The following INSL6 variants were observed in gnomAD, a reference collection of about 807,000 sequenced individuals.
INSL6 encodes the protein insulin like 6.
Under a neutral mutation model 9.4 loss-of-function variants are expected in INSL6, and 16 were observed. That is an observed-to-expected ratio of 1.70 (90% confidence interval 1.15 to 2.59). INSL6 has a LOEUF of 2.59. INSL6 is among the 30% of genes most tolerant of loss of function. The probability of loss-of-function intolerance (pLI) is 0.00; values close to 1 mark genes in which losing one functional copy is unlikely to be tolerated. For synonymous variants in INSL6, 154 were observed against 96.9 expected (o/e 1.59, Z -3.46); for missense variants, 391 against 257.3 (o/e 1.52, Z -3.56).
intron 2 of INSL6, among the ~76,000 whole-genome samples, chr9:5,153,517 T>C (rs1352148071): frequency 6.6e-6 from 1 of 152,080 alleles, no homozygotes; most frequent in Non-Finnish European, 1.5e-5. Context: ...GGTATTCAAT[T>C]AGGAAAAGAG....
chr9:5,183,741 T>A (rs1825507786), intron 1 of INSL6, among the ~76,000 whole-genome samples: 1 of 151,200 alleles, frequency 6.6e-6, no homozygotes, highest in Non-Finnish European at 1.5e-5. Flanking sequence ...CTTGCACTCC[T>A]GGGAGAAAAG....
the INSL6 span, chr9:5,050,656 G>A: frequency 6.3e-7 from 1 of 1,591,894 alleles, no homozygotes; most frequent in Non-Finnish European, 8.6e-7. Context: ...AACTTACGAT[G>A]AGATATTTCC....
the INSL6 span, among the ~76,000 whole-genome samples, chr9:5,086,608 T>G: frequency 0.019 from 2,822 of 152,284 alleles, 43 homozygotes; most frequent in East Asian, 0.073. Flanking sequence ...AAAAAATTCC[T>G]TGGCTTCTCT....
chr9:5,136,673 G>A (rs1299886100), intron 2 of INSL6, among the ~76,000 whole-genome samples: 11 of 152,092 alleles, frequency 7.2e-5, no homozygotes, highest in African/African-American at 2.2e-4. Context: ...AATACTGAAC[G>A]GGCAAAAACT....
At chr9:5,108,092 C>T in the INSL6 span, 1 of 152,088 alleles carries the variant, frequency 6.6e-6, no homozygotes. Context: ...CTAGTTTTCT[C>T]TTCTGATCTG....
At chr9:5,082,961 G>C in the INSL6 span, among the ~76,000 whole-genome samples, 231 of 152,276 alleles carry the variant, frequency 1.5e-3, no homozygotes, top group African/African-American at 5.4e-3. Context: ...TTTCTACATA[G>C]ACACAGTAAC....
At chr9:5,020,280 C>T in the INSL6 span, among the ~76,000 whole-genome samples, 1 of 152,148 alleles carries the variant, frequency 6.6e-6, no homozygotes, top group Non-Finnish European at 1.5e-5. Context: ...CCTCAGACCC[C>T]CAGGTGGAAT....
At chr9:5,095,360 T>A in the INSL6 span, among the ~76,000 whole-genome samples, 2 of 152,012 alleles carry the variant, frequency 1.3e-5, no homozygotes, top group African/African-American at 4.8e-5. Context: ...CCCATCTTGA[T>A]TAAAAAAACA....
the INSL6 span, among the ~76,000 whole-genome samples, chr9:5,025,847 C>G: frequency 6.6e-6 from 1 of 152,160 alleles, no homozygotes; most frequent in Non-Finnish European, 1.5e-5. Flanking sequence ...GGTTATAGTT[C>G]TGTTGAAGTT....
chr9:5,077,762 T>C, the INSL6 span, among the ~76,000 whole-genome samples: 2 of 152,196 alleles, frequency 1.3e-5, no homozygotes, highest in African/African-American at 2.4e-5. Context: ...AAAATCACTT[T>C]TGAAAAAAAA....
At chr9:5,150,022 G>C (rs1458980942) in intron 2 of INSL6, among the ~76,000 whole-genome samples, 2 of 152,200 alleles carry the variant, frequency 1.3e-5, no homozygotes, top group African/African-American at 4.8e-5. Context: ...TAAAAATGGT[G>C]CTAGGAAAAT....
the INSL6 span, among the ~76,000 whole-genome samples, chr9:5,033,671 T>A: frequency 6.6e-6 from 1 of 152,198 alleles, no homozygotes; most frequent in East Asian, 1.9e-4. Context: ...AATAAAATCC[T>A]TTACAGACAA....
chr9:5,006,069 A>G, the INSL6 span, among the ~76,000 whole-genome samples: 5 of 152,220 alleles, frequency 3.3e-5, no homozygotes, highest in South Asian at 2.1e-4. Context: ...CATTGAATCT[A>G]TAAATGACCT....
chr9:5,036,933 G>A, the INSL6 span, among the ~76,000 whole-genome samples: 4 of 152,166 alleles, frequency 2.6e-5, no homozygotes, highest in Admixed American at 6.5e-5. Context: ...GCAACCTACA[G>A]AATGGGAGAA....
At chr9:5,183,471 T>C (rs1337626118) in intron 1 of INSL6, among the ~76,000 whole-genome samples, 1 of 152,242 alleles carries the variant, frequency 6.6e-6, no homozygotes, top group Non-Finnish European at 1.5e-5. Context: ...CATTTATTCT[T>C]CCAGGGGAGT....
At chr9:5,053,251 T>C in the INSL6 span, among the ~76,000 whole-genome samples, 1 of 152,090 alleles carries the variant, frequency 6.6e-6, no homozygotes, top group Non-Finnish European at 1.5e-5. Flanking sequence ...TTTCATGTAC[T>C]TTTTGGCCAT....
chr9:5,112,997 A>G, the INSL6 span: 3 of 184,606 alleles, frequency 1.6e-5, no homozygotes, highest in Non-Finnish European at 3.4e-5. Context: ...TGAGGCTCAG[A>G]GTGATGGGGG....
At chr9:5,066,892 C>T in the INSL6 span, 1 of 466,140 alleles carries the variant, frequency 2.1e-6, no homozygotes, top group Non-Finnish European at 3.6e-6. Context: ...AGAATTATAG[C>T]TTTGGATATG....
At chr9:5,112,624 C>G in the INSL6 span, 1 of 977,784 alleles carries the variant, frequency 1.0e-6, no homozygotes. Context: ...GGCAACTGCA[C>G]CTCAACAGCG....
Sources: gnomAD v4.1 joint callset for allele counts (sites outside exome capture counted in the v4.1 genomes callset) on GRCh38, gnomAD v4.1.1 for gene constraint, MANE v1.5 for transcripts, NCBI Gene and HGNC (gene_info 2026-07-23, HGNC 2026-07-21) for gene names.